The following RNF144B variants were observed in gnomAD, a reference collection of about 807,000 sequenced individuals.
RNF144B encodes ring finger protein 144B.
In RNF144B, 25 loss-of-function variants were observed where a neutral mutation model predicts 40.2. The ratio of observed to expected loss-of-function variants is 0.62; its 90% CI spans 0.45 to 0.87. The LOEUF (loss-of-function observed/expected upper bound fraction) is 0.87, where lower values mean the gene tolerates loss of function less well. Ranked by LOEUF, RNF144B falls within the 40% of genes least tolerant of loss-of-function variation. The pLI is 0.00. For synonymous variants in RNF144B, 145 were observed against 136.3 expected, an observed-to-expected ratio of 1.06 and a Z score of -0.44; for missense variants, 365 against 373.7, an observed-to-expected ratio of 0.98 and a Z score of 0.19.
intron 2 of RNF144B, among the ~76,000 whole-genome samples, chr6:18,408,771 C>T (rs1347950485): frequency 2.6e-5 from 4 of 152,116 alleles, no homozygotes; most frequent in South Asian, 2.1e-4. Flanking sequence ...CACTTCTATT[C>T]TCCTTACTTC....
chr6:18,416,013 G>T lies in RNF144B; in HGVS notation c.166-11568G>T, dbSNP rs60425123. 0.03 allele frequency among the ~76,000 whole-genome samples: 4,639 copies of T among 152,152 alleles called. 150 individuals are homozygous for T. Among genetic ancestry groups the T allele is most frequent in the South Asian group, 0.16 (784 of 4,826 alleles). On this transcript the variant is annotated intron_variant, in intron 2 of 7. Transcript: ENST00000259939. This position sits in a 1 kb window ranked among gnomAD's most constrained non-coding sequence, Gnocchi z 5.5. ...ATGCTTATTCTCACTGCCTGTGCTG[G>T]GTCTGTGTGCTAAGGCTTTGGTGTC...
At chr6:18,409,375 CAAAAAAAA>C (rs770011648) in intron 2 of RNF144B, among the ~76,000 whole-genome samples, 1 of 59,556 alleles carries the variant, frequency 1.7e-5, no homozygotes, top group Non-Finnish European at 2.7e-5. Context: ...GAGACTGTCT[CAAAAAAAA>C]AAAAAAAAAA....
At chr6:18,408,451 A>G (rs770150145) in intron 2 of RNF144B, among the ~76,000 whole-genome samples, 4 of 152,196 alleles carry the variant, frequency 2.6e-5, no homozygotes, top group Non-Finnish European at 4.4e-5. Context: ...ATATGCATTT[A>G]TCTTCTACAT....
intron 4 of RNF144B, among the ~76,000 whole-genome samples, chr6:18,453,647 T>C (rs1759263786): frequency 6.6e-6 from 1 of 152,234 alleles, no homozygotes; most frequent in Admixed American, 6.5e-5. Context: ...TTGTACACAA[T>C]GTTTTCTACA....
chr6:18,419,107 G>A lies in RNF144B; in HGVS notation c.166-8474G>A, dbSNP rs1208638055. 6.6e-6 allele frequency among the ~76,000 whole-genome samples: 1 copy of A among 152,072 alleles called. No homozygotes were observed. Among genetic ancestry groups the A allele is most frequent in the Non-Finnish European group, 1.5e-5 (1 of 68,020 alleles). ...TTTTGATGGGATCCTCAAATAACTT[G>A]GATGGACATTCAAGTTTGAGAAACA... On this transcript the variant is annotated intron_variant, in intron 2 of 7. Transcript: ENST00000259939. The surrounding 1 kb of genome is among the most constrained non-coding windows in gnomAD (Gnocchi z 4.6).
In RNF144B at chr6:18,434,433, T is replaced by A. The variant is rs545306152; in HGVS notation, c.271-5251T>A. Among the ~76,000 whole-genome samples, 45 of 152,176 alleles carry A rather than the reference T, an allele frequency of 3.0e-4. No homozygotes were observed. Among genetic ancestry groups the A allele is most frequent in the Non-Finnish European group, 1.5e-4 (10 of 68,046 alleles). On this transcript the variant is annotated intron_variant, in intron 3 of 7. Transcript: ENST00000259939. This position sits in a 1 kb window ranked among gnomAD's most constrained non-coding sequence, Gnocchi z 4.1. ...TAAATATTATGATCGTGGTTAATAC[T>A]GATTAACAGGTGTGCCTCACTTTTC... is the stretch of plus-strand genomic sequence containing the variant.
In RNF144B at chr6:18,444,984, C is replaced by T. The variant is rs1759047372; in HGVS notation, c.331+5240C>T. 6.6e-6 allele frequency among the ~76,000 whole-genome samples: 1 copy of T among 152,140 alleles called. No homozygotes were observed. The highest frequency in any genetic ancestry group is 2.1e-4 in the South Asian group (1 of 4,834). On this transcript the variant is annotated intron_variant, in intron 4 of 7. Transcript: ENST00000259939. This position sits in a 1 kb window ranked among gnomAD's most constrained non-coding sequence, Gnocchi z 4.3. Reference sequence around the variant, plus strand: ...TGTATCTGATCATAAAGGTTTTATTCCATCAGAGCTCCCTATGTAGTTATG... The same window carrying T: ...TGTATCTGATCATAAAGGTTTTATTTCATCAGAGCTCCCTATGTAGTTATG...
intron 2 of RNF144B, among the ~76,000 whole-genome samples, chr6:18,421,478 G>T (rs778972175): frequency 2.4e-4 from 36 of 151,920 alleles, no homozygotes; most frequent in Admixed American, 3.9e-4. Flanking sequence ...TTCTCTGTTG[G>T]AATCACTAAA....
In RNF144B at chr6:18,387,405, A is replaced by C; in HGVS notation, c.-262A>C. On this transcript the variant is annotated 5_prime_UTR_variant, in exon 1 of 8. Coordinates refer to ENST00000259939, the MANE Select transcript of RNF144B (RefSeq NM_182757.4). Reference sequence around the variant, plus strand: ...TCCCGGGCATCGCAGCTGCCAGTCAAGGCTAGGAGGCGGTCGGGGACTCCG... The same window carrying C: ...TCCCGGGCATCGCAGCTGCCAGTCACGGCTAGGAGGCGGTCGGGGACTCCG... 1 of 1,162,630 alleles carries C rather than the reference A, an allele frequency of 8.6e-7. No homozygotes were observed. Among genetic ancestry groups the C allele is most frequent in the Non-Finnish European group, 1.1e-6 (1 of 924,464 alleles). The allele number at this position is 1,162,630 out of a possible 1,614,324, so 72.0% of individuals were successfully genotyped here.
At position 18,460,199 on chromosome 6, in the gene RNF144B, A is replaced by G. The variant is rs1269974234; in HGVS notation, c.681+448A>G. 2.6e-5 allele frequency among the ~76,000 whole-genome samples: 4 copies of G among 151,996 alleles called. No individual in the cohort carries two copies. The highest frequency in any genetic ancestry group is 5.9e-5 in the Non-Finnish European group (4 of 67,984). Reference sequence around the variant, plus strand: ...TTTCTTTCTGGAGGCTTTAGGGGAGAATCTGTTTTCTTGCCTTGGAGGCTG... The same window carrying G: ...TTTCTTTCTGGAGGCTTTAGGGGAGGATCTGTTTTCTTGCCTTGGAGGCTG... On this transcript the variant is annotated intron_variant, in intron 6 of 7. Coordinates refer to ENST00000259939, the MANE Select transcript of RNF144B (RefSeq NM_182757.4). The surrounding 1 kb of genome is among the most constrained non-coding windows in gnomAD (Gnocchi z 4.4).
rs1758996163 is a variant in RNF144B at position 18,442,921 on chromosome 6, T to C, written c.331+3177T>C. Among the ~76,000 whole-genome samples, 1 of 152,242 alleles carries C rather than the reference T, an allele frequency of 6.6e-6. No homozygotes were observed. ...CTATTGTATGTTTTTAACGTCATTT[T>C]GTTTATTCATCTGTTGATGGACATT... is the stretch of plus-strand genomic sequence containing the variant. On this transcript the variant is annotated intron_variant, in intron 4 of 7. Coordinates refer to ENST00000259939, the MANE Select transcript of RNF144B (RefSeq NM_182757.4). This position sits in a 1 kb window ranked among gnomAD's most constrained non-coding sequence, Gnocchi z 4.3.
chr6:18,447,607 A>G lies in RNF144B; in HGVS notation c.331+7863A>G, dbSNP rs1035621448. 6.6e-6 allele frequency among the ~76,000 whole-genome samples: 1 copy of G among 152,232 alleles called. No individual in the cohort carries two copies. The highest frequency in any genetic ancestry group is 6.5e-5 in the Admixed American group (1 of 15,278). The stretch of plus-strand genomic sequence containing the variant: ...CTGTGGTAGTGATCCAGTCCAAAAC[A>G]GTACAGTAGATTATATGTTAAAAGC... On this transcript the variant is annotated intron_variant, in intron 4 of 7. Coordinates refer to ENST00000259939, the MANE Select transcript of RNF144B (RefSeq NM_182757.4). This position sits in a 1 kb window ranked among gnomAD's most constrained non-coding sequence, Gnocchi z 5.6.
intron 4 of RNF144B, among the ~76,000 whole-genome samples, chr6:18,454,324 A>T (rs141704181): frequency 1.1e-3 from 160 of 152,318 alleles, no homozygotes; most frequent in African/African-American, 3.6e-3. Flanking sequence ...TTCAGATTTT[A>T]TAGTGATAGG....
chr6:18,452,306 A>G (rs1280825507), intron 4 of RNF144B, among the ~76,000 whole-genome samples: 2 of 152,222 alleles, frequency 1.3e-5, no homozygotes, highest in East Asian at 3.8e-4. Flanking sequence ...CATGAAATGA[A>G]TAGACAGCAG....
intron 6 of RNF144B, among the ~76,000 whole-genome samples, chr6:18,462,888 T>C (rs1759489384): frequency 2.0e-5 from 3 of 152,134 alleles, no homozygotes; most frequent in Admixed American, 2.0e-4. Context: ...ACTTTCTTAA[T>C]ATCTGAGGAC....
At chr6:18,454,214 G>T (rs1052650416) in intron 4 of RNF144B, among the ~76,000 whole-genome samples, 1 of 152,126 alleles carries the variant, frequency 6.6e-6, no homozygotes, top group Non-Finnish European at 1.5e-5. Flanking sequence ...AGTCCCAGAA[G>T]CCCCTTAGTG....
rs1236746074 is a variant in RNF144B at position 18,460,754 on chromosome 6, G to A, written c.681+1003G>A. Among the ~76,000 whole-genome samples, 4 of 152,096 alleles carry A rather than the reference G, an allele frequency of 2.6e-5. No homozygotes were observed. Among genetic ancestry groups the A allele is most frequent in the South Asian group, 2.1e-4 (1 of 4,814 alleles). On this transcript the variant is annotated intron_variant, in intron 6 of 7. Transcript: ENST00000259939. The surrounding 1 kb of genome is among the most constrained non-coding windows in gnomAD (Gnocchi z 4.4). ...CATGAATCAAGTCTCAAATTGAGGT[G>A]CAGTTTTATTCAGCCCTGTGCCAAG...
chr6:18,449,697 G>GTATATATATATATA (rs70974745), intron 4 of RNF144B, among the ~76,000 whole-genome samples: 5,402 of 149,154 alleles, frequency 0.036, 180 homozygotes, highest in Admixed American at 0.093. Context: ...GTGTTTTGAA[G>GTATATATATATATA]TATATATATA....
chr6:18,451,325 G>A (rs1365611523), intron 4 of RNF144B, among the ~76,000 whole-genome samples: 4 of 152,168 alleles, frequency 2.6e-5, no homozygotes, highest in African/African-American at 9.7e-5. Context: ...TAATAGACAT[G>A]TGTCTAATTT....
Sources: gnomAD v4.1 joint callset for allele counts (sites outside exome capture counted in the v4.1 genomes callset) on GRCh38, gnomAD v4.1.1 for gene constraint, Gnocchi (gnomAD v3.1) non-coding constraint, MANE v1.5 for transcripts, NCBI Gene and HGNC (gene_info 2026-07-23, HGNC 2026-07-21) for gene names.